The following RAP1GAP2 variants were observed in gnomAD, a reference collection of about 807,000 sequenced individuals.
The protein encoded by RAP1GAP2 is rap1 GTPase-activating protein 2.
In RAP1GAP2, 27 loss-of-function variants were observed where a neutral mutation model predicts 95.0. That is an observed-to-expected ratio of 0.28 (90% CI 0.21 to 0.39). RAP1GAP2 has a LOEUF of 0.39. RAP1GAP2 is among the 10% of genes least tolerant of loss of function. The probability of loss-of-function intolerance (pLI) is 1.00; values close to 1 mark genes in which losing one functional copy is unlikely to be tolerated. For synonymous variants in RAP1GAP2, 373 were observed against 380.9 expected, an observed-to-expected ratio of 0.98 and a Z score of 0.24; for missense variants, 771 against 970.0, an observed-to-expected ratio of 0.79 and a Z score of 2.72.
chr17:2,998,098 C>A, intron 13 of RAP1GAP2, 123 bp from the exon 14 acceptor site: 1 of 1,131,428 alleles, frequency 8.8e-7, no homozygotes, highest in Non-Finnish European at 1.3e-6. Flanking sequence ...ACAACAACCA[C>A]GAACTCTTCT....
At chr17:2,840,080 T>A (rs1055244455) in intron 2 of RAP1GAP2, among the ~76,000 whole-genome samples, 4 of 152,024 alleles carry the variant, frequency 2.6e-5, no homozygotes, top group African/African-American at 9.7e-5. Context: ...ATAACCACTG[T>A]TGATGTTGGC....
At chr17:2,985,254 G>A (rs2045513351) in intron 11 of RAP1GAP2, among the ~76,000 whole-genome samples, 188 bp downstream of exon 11, 1 of 149,590 alleles carries the variant, frequency 6.7e-6, no homozygotes, top group South Asian at 2.1e-4. Flanking sequence ...CTTACAAAAA[G>A]GCCTGCACGT....
chr17:2,776,682 C>A (rs868426578), upstream of RAP1GAP2, among the ~76,000 whole-genome samples: 1 of 150,028 alleles, frequency 6.7e-6, no homozygotes, highest in African/African-American at 2.4e-5. Context: ...GCGCGGGCTC[C>A]GGCTGCGCGT....
Position 2,816,811 on chromosome 17 carries a change from TCTC to T in RAP1GAP2, c.80+16263_80+16265del, listed in dbSNP as rs1383065295. ...TAAATAATAACTCCCTATTCCCTCA[TCTC>T]CACAGCACCCTGCAGCCACCATTCT... On this transcript the variant is annotated intron_variant, in intron 2 of 24. Coordinates refer to ENST00000254695, the MANE Select transcript of RAP1GAP2 (RefSeq NM_015085.5). Among the ~76,000 whole-genome samples the T allele has an allele frequency of 3.3e-5, 4 of 119,730 alleles. No homozygotes were observed. In the East Asian group the frequency reaches 9.2e-4, roughly 28 times the overall value. The allele number at this position is 119,730 out of a possible 152,430, so 78.5% of individuals were successfully genotyped here. A position where few individuals can be genotyped will look rare whatever the true frequency, so the allele number is the denominator to read the frequency against.
intron 3 of RAP1GAP2, among the ~76,000 whole-genome samples, chr17:2,956,823 G>C (rs2044124352): frequency 6.6e-6 from 1 of 152,132 alleles, no homozygotes; most frequent in Non-Finnish European, 1.5e-5. Context: ...AAGTGCAATT[G>C]GGATTTTAAA....
chr17:2,862,814 G>A lies in RAP1GAP2; in HGVS notation c.81-42470G>A, dbSNP rs570637545. Among the ~76,000 whole-genome samples the A allele has an allele frequency of 5.3e-5, 8 of 151,924 alleles. No homozygotes were observed. The South Asian group carries it at 1.7e-3, about 32-fold the overall frequency. ...GGAGTTCGAGACCAGCCTGGCCAAC[G>A]TGGCGAAACCCCGTCTCTACTAAAA... On this transcript the variant is annotated intron_variant, in intron 2 of 24. Coordinates refer to ENST00000254695, the MANE Select transcript of RAP1GAP2 (RefSeq NM_015085.5).
intron 3 of RAP1GAP2, among the ~76,000 whole-genome samples, chr17:2,914,450 TGTAGGC>T (rs1170500670): frequency 1.3e-5 from 2 of 152,158 alleles, no homozygotes; most frequent in African/African-American, 4.8e-5. Flanking sequence ...GTAGTCTTCT[TGTAGGC>T]GTTCTTTACA....
intron 2 of RAP1GAP2, among the ~76,000 whole-genome samples, chr17:2,836,781 T>C (rs367826814): frequency 5.3e-5 from 8 of 152,250 alleles, no homozygotes; most frequent in African/African-American, 1.9e-4. Flanking sequence ...CAGGCACCTC[T>C]CCCCACATGT....
At chr17:3,015,799 T>C (rs909044985) in intron 17 of RAP1GAP2, among the ~76,000 whole-genome samples, 2 of 149,728 alleles carry the variant, frequency 1.3e-5, no homozygotes, top group Non-Finnish European at 3.0e-5. Flanking sequence ...CCAGCCTGGG[T>C]GACAGAGCTA....
In RAP1GAP2 at chr17:2,770,080, A is replaced by AAC. The variant is rs1555539743; in HGVS notation, c.51-248_51-247insCA. On this transcript the variant is annotated intron_variant, in intron 1 of 25. Coordinates refer to the RAP1GAP2 transcript ENST00000637138. The stretch of plus-strand genomic sequence containing the variant: ...AGAGAGAGACTCGGTCTCAAAACAA[A>AAC]AAAAAAAAAAAAAAGAAGAAGAAAG... Among the ~76,000 whole-genome samples the AAC allele has an allele frequency of 4.7e-5, 7 of 150,512 alleles. No homozygotes were observed. In the South Asian group the frequency reaches 1.0e-3, roughly 23 times the overall value.
intron 3 of RAP1GAP2, among the ~76,000 whole-genome samples, chr17:2,944,127 G>A (rs1427976598): frequency 3.7e-5 from 5 of 134,324 alleles, no homozygotes; most frequent in Admixed American, 3.4e-4. Flanking sequence ...CTAGCCTGGC[G>A]ACAGAGCGAG....
chr17:3,013,337 G>A (rs2046629300), intron 17 of RAP1GAP2, among the ~76,000 whole-genome samples: 1 of 152,228 alleles, frequency 6.6e-6, no homozygotes, highest in Non-Finnish European at 1.5e-5. Context: ...TCCTGATGGG[G>A]AGTTGTGATG....
rs869121536 is a variant in RAP1GAP2 at position 2,970,273 on chromosome 17, CA to C, written c.596+4653del. Among the ~76,000 whole-genome samples, 494 of 109,550 alleles carry C rather than the reference CA, an allele frequency of 4.5e-3. 1 individual carries two copies. The highest frequency in any genetic ancestry group is 0.022 in the South Asian group (71 of 3,254). The allele number at this position is 109,550 out of a possible 152,430, so 71.9% of individuals were successfully genotyped here. A position where few individuals can be genotyped will look rare whatever the true frequency, so the allele number is the denominator to read the frequency against. ...TGGGCGACAGAGTGAGACTCTGTCT[CA>C]AAAAAAAAAAAAAAAAAAAAAATAA... On this transcript the variant is annotated intron_variant, in intron 8 of 24. Transcript: ENST00000254695.
At position 2,857,421 on chromosome 17, in the gene RAP1GAP2, G is replaced by C. The variant is rs573875514; in HGVS notation, c.81-47863G>C. ...AACTAGGAGACTCCCAGCTAGTCTT[G>C]GTAGTTCCCAAGAACTGTGCTCCAG... On this transcript the variant is annotated intron_variant, in intron 2 of 24. Transcript: ENST00000254695. This position sits in a 1 kb window ranked among gnomAD's most constrained non-coding sequence, Gnocchi z 4.0. 6.6e-6 allele frequency among the ~76,000 whole-genome samples: 1 copy of C among 152,286 alleles called. No individual in the cohort carries two copies. The highest frequency in any genetic ancestry group is 1.9e-4 in the East Asian group (1 of 5,184).
chr17:3,031,742 A>C (rs1477717518), intron 23 of RAP1GAP2, among the ~76,000 whole-genome samples: 6 of 136,532 alleles, frequency 4.4e-5, no homozygotes, highest in African/African-American at 1.9e-4. Context: ...CTGGGTCCCG[A>C]ATCCCTTCCT....
At chr17:2,892,103 C>T (rs1035994921) in intron 2 of RAP1GAP2, among the ~76,000 whole-genome samples, 1 of 152,106 alleles carries the variant, frequency 6.6e-6, no homozygotes, top group South Asian at 2.1e-4. Flanking sequence ...GGATGACAGG[C>T]GTGAGCCACC....
rs1432141791 is a variant in RAP1GAP2 at position 3,004,321 on chromosome 17, C to T, written c.1201-1048C>T. Among the ~76,000 whole-genome samples, 1 of 152,260 alleles carries T rather than the reference C, an allele frequency of 6.6e-6. No homozygotes were observed. The highest frequency in any genetic ancestry group is 1.5e-5 in the Non-Finnish European group (1 of 68,040). ...CCGTATTGACCAGCTCTCTCCCGCT[C>T]CGTTTCCCCTCCGGACTCTGGCAGG... On this transcript the variant is annotated intron_variant, in intron 14 of 24. Coordinates refer to ENST00000254695, the MANE Select transcript of RAP1GAP2 (RefSeq NM_015085.5). This position sits in a 1 kb window ranked among gnomAD's most constrained non-coding sequence, Gnocchi z 4.1.
rs954029129 is a variant in RAP1GAP2, at chr17:3,036,780, A to G, written c.*3419A>G. The G allele has an allele frequency of 6.5e-6, 1 of 152,674 alleles. No individual in the cohort carries two copies. The highest frequency in any genetic ancestry group is 2.4e-5 in the African/African-American group (1 of 41,466). 9.5% of individuals were successfully genotyped at this position (152,674 alleles called of 1,614,324 possible). On this transcript the variant is annotated 3_prime_UTR_variant, in exon 25 of 25. Transcript: ENST00000254695. ...CCTGATTCTTAAACGAAGGTGGTTA[A>G]TAGAAACTCAGGCTCCCGTGACAAG...
At position 2,867,932 on chromosome 17, in the gene RAP1GAP2, G is replaced by A. The variant is rs929926069; in HGVS notation, c.81-37352G>A. Among the ~76,000 whole-genome samples, 5 of 152,224 alleles carry A rather than the reference G, an allele frequency of 3.3e-5. No homozygotes were observed. The highest frequency in any genetic ancestry group is 2.6e-4 in the Admixed American group (4 of 15,282). Reference sequence around the variant, plus strand: ...TTTCTTCTTCACGGATGCAGCTCGCGGGATCCCCAAGCCTTTGGTAGTAAA... The same window carrying A: ...TTTCTTCTTCACGGATGCAGCTCGCAGGATCCCCAAGCCTTTGGTAGTAAA... On this transcript the variant is annotated intron_variant, in intron 2 of 24. Transcript: ENST00000254695. The surrounding 1 kb of genome is among the most constrained non-coding windows in gnomAD (Gnocchi z 4.5).
Sources: allele counts gnomAD v4.1 joint callset (sites outside exome capture counted in the v4.1 genomes callset), GRCh38; gene constraint gnomAD v4.1.1; non-coding constraint Gnocchi (gnomAD v3.1); transcripts MANE v1.5; gene names NCBI Gene and HGNC (gene_info 2026-07-23, HGNC 2026-07-21).